NDRG4: variants seen among roughly 807,000 people sequenced by gnomAD.
NDRG4 encodes the protein protein NDRG4.
NDRG4 carries 38 observed loss-of-function variants against 55.8 expected under a neutral mutation model. The ratio of observed to expected loss-of-function variants is 0.68; its 90% confidence interval spans 0.53 to 0.89. The LOEUF is 0.89. NDRG4 is among the 40% of genes least tolerant of loss of function. The pLI, the probability that NDRG4 is intolerant of heterozygous loss-of-function variation, is 0.00. For synonymous variants in NDRG4, 190 were observed against 182.7 expected (o/e 1.04, Z -0.32); for missense variants, 455 against 468.6 (o/e 0.97, Z 0.27).
At chr16:58,468,366 G>A (rs2032120647) in intron 1 of NDRG4, among the ~76,000 whole-genome samples, 1 of 152,160 alleles carries the variant, frequency 6.6e-6, no homozygotes, top group South Asian at 2.1e-4. Context: ...TCAGCTCCTG[G>A]GCAAATTGTT....
chr16:58,506,533 C>A, intron 6 of NDRG4, 25 bp from the exon 7 acceptor site: 1 of 1,599,896 alleles, frequency 6.3e-7, no homozygotes, highest in Non-Finnish European at 8.5e-7. Flanking sequence ...GGGCGGCACT[C>A]ACGCTGGCGC....
chr16:58,477,388 G>A (rs2033810087), intron 1 of NDRG4, among the ~76,000 whole-genome samples: 1 of 152,106 alleles, frequency 6.6e-6, no homozygotes, highest in South Asian at 2.1e-4. Flanking sequence ...TTTAGAACAT[G>A]TAATGAGGCT....
At chr16:58,496,332 C>T (rs1167473905), upstream of NDRG4, among the ~76,000 whole-genome samples, 1 of 152,124 alleles carries the variant, frequency 6.6e-6, no homozygotes, top group African/African-American at 2.4e-5. Flanking sequence ...CCCCGGTTCT[C>T]AGGATCCTCT....
chr16:58,480,180 G>T (rs1226324609), intron 1 of NDRG4, among the ~76,000 whole-genome samples: 3 of 152,210 alleles, frequency 2.0e-5, no homozygotes, highest in African/African-American at 7.2e-5. Flanking sequence ...GAGTACAGTG[G>T]CACGATCTAG....
chr16:58,468,330 G>A (rs1432374929), intron 1 of NDRG4, among the ~76,000 whole-genome samples: 1 of 152,244 alleles, frequency 6.6e-6, no homozygotes, highest in Non-Finnish European at 1.5e-5. Flanking sequence ...CAGAGGATGT[G>A]AATTTCGGGG....
intron 12 of NDRG4, 41 bp from the exon 13 acceptor site, chr16:58,509,260 A>T: frequency 6.2e-7 from 1 of 1,613,880 alleles, no homozygotes; most frequent in Non-Finnish European, 8.5e-7. Flanking sequence ...TGCTAATCCT[A>T]GGCAGCCAAT....
At chr16:58,492,820 G>A (rs1006462481) in intron 2 of NDRG4, among the ~76,000 whole-genome samples, 1 of 151,954 alleles carries the variant, frequency 6.6e-6, no homozygotes, top group South Asian at 2.1e-4. Flanking sequence ...TCCTCAGCCC[G>A]CTTGTGCAAG....
intron 2 of NDRG4, among the ~76,000 whole-genome samples, chr16:58,489,242 G>A (rs768814028): frequency 8.5e-4 from 129 of 151,950 alleles, no homozygotes; most frequent in South Asian, 2.1e-3. Flanking sequence ...AGACTGCACC[G>A]CCGCACTCCA....
At chr16:58,496,222 A>G (rs74019896), upstream of NDRG4, among the ~76,000 whole-genome samples, 1,052 of 151,976 alleles carry the variant, frequency 6.9e-3, 14 homozygotes, top group African/African-American at 0.025. Flanking sequence ...AGGAGACCCT[A>G]CCATACCTCT....
intron 1 of NDRG4, among the ~76,000 whole-genome samples, chr16:58,484,959 G>C (rs1441381268): frequency 6.8e-6 from 1 of 147,240 alleles, no homozygotes; most frequent in Non-Finnish European, 1.5e-5. Flanking sequence ...TCGGCTCACT[G>C]CAAGCTCTGC....
intron 5 of NDRG4, among the ~76,000 whole-genome samples, chr16:58,505,201 T>G (rs1350003787): frequency 2.6e-5 from 4 of 151,936 alleles, no homozygotes; most frequent in South Asian, 2.1e-4. Flanking sequence ...TACAAAAAAT[T>G]AGCCGGGCGT....
intron 6 of NDRG4, 36 bp from the exon 7 acceptor site, chr16:58,506,519 TGAG>T: frequency 6.3e-7 from 1 of 1,598,776 alleles, no homozygotes; most frequent in African/African-American, 1.4e-5. Flanking sequence ...TAGGGTGGGG[TGAG>T]GGGCGGCACT....
rs1597053158 is a variant in NDRG4, at chr16:58,471,211, T to C, written c.-24+7414T>C. ...CTTTTTTTTTTTTTTTTTTTTTTTT[T>C]TGGAGACAGGGTCGTACTCTGTTGT... is the stretch of plus-strand genomic sequence containing the variant. On this transcript the variant is annotated intron_variant, in intron 1 of 15. Transcript: ENST00000258187. Among the ~76,000 whole-genome samples the C allele has an allele frequency of 2.0e-5, 3 of 148,564 alleles. 1 individual carries two copies. Among genetic ancestry groups the C allele is most frequent in the East Asian group, 1.9e-4 (1 of 5,152 alleles).
At chr16:58,474,028 CTTTTTTTTTTTTTTT>C (rs1168834628) in intron 1 of NDRG4, among the ~76,000 whole-genome samples, 1 of 101,172 alleles carries the variant, frequency 9.9e-6, no homozygotes, top group Non-Finnish European at 1.9e-5. Flanking sequence ...TTTTCTTTCC[CTTTTTTTTTTTTTTT>C]TTTTTTTTTT....
At chr16:58,473,937 C>G (rs2033222989) in intron 1 of NDRG4, among the ~76,000 whole-genome samples, 1 of 151,976 alleles carries the variant, frequency 6.6e-6, no homozygotes, top group South Asian at 2.1e-4. Context: ...GGGACCAGCA[C>G]TCCAACGCTT....
At chr16:58,478,812 A>G (rs1246119774) in intron 1 of NDRG4, among the ~76,000 whole-genome samples, 1 of 150,768 alleles carries the variant, frequency 6.6e-6, no homozygotes, top group African/African-American at 2.4e-5. Flanking sequence ...TTATTGATAC[A>G]TAAAAATTAG....
In NDRG4 at chr16:58,507,699, G is replaced by C. The variant is rs1349088434; in HGVS notation, c.621-109G>C. 1.5e-5 allele frequency: 15 copies of C among 1,022,976 alleles called. No individual in the cohort carries two copies. In the South Asian group the frequency reaches 1.6e-4, roughly 11 times the overall value. 63.4% of individuals were successfully genotyped at this position (1,022,976 alleles called of 1,614,324 possible). A position where few individuals can be genotyped will look rare whatever the true frequency, so the allele number is the denominator to read the frequency against. On this transcript the variant is annotated intron_variant, in intron 8 of 14. Coordinates refer to ENST00000570248, the MANE Select transcript of NDRG4 (RefSeq NM_001242835.2). ...GGAGCCTCCAGTTCATTTATGCAGA[G>C]CAGGTCCACGCCTCCCTGCTTTACC...
chr16:58,505,268 G>C (rs576464058), intron 5 of NDRG4, among the ~76,000 whole-genome samples: 1 of 151,986 alleles, frequency 6.6e-6, no homozygotes, highest in East Asian at 1.9e-4. Flanking sequence ...AGAAAGGCGT[G>C]AACCCGGGAG....
chr16:58,493,056 T>C (rs1475616341), intron 2 of NDRG4, among the ~76,000 whole-genome samples: 1 of 152,202 alleles, frequency 6.6e-6, no homozygotes, highest in Admixed American at 6.5e-5. Context: ...CCCTCTGATT[T>C]TTCTCCACCA....
Sources: gnomAD v4.1 joint callset for allele counts (sites outside exome capture counted in the v4.1 genomes callset) on GRCh38, gnomAD v4.1.1 for gene constraint, MANE v1.5 for transcripts, NCBI Gene and HGNC (gene_info 2026-07-23, HGNC 2026-07-21) for gene names.